LPP: variants seen among roughly 807,000 people sequenced by gnomAD.
LPP encodes lipoma-preferred partner.
In LPP, 38 loss-of-function variants were observed where a neutral mutation model predicts 60.4. The ratio of observed to expected loss-of-function variants is 0.63; its 90% CI spans 0.49 to 0.83. The LOEUF (loss-of-function observed/expected upper bound fraction) is 0.83, where lower values mean the gene tolerates loss of function less well. Among genes scored for constraint, LPP ranks in the 40% least tolerant of loss-of-function variants. The pLI is 0.00. For synonymous variants in LPP, 328 were observed against 290.8 expected (o/e 1.13, Z -1.30); for missense variants, 902 against 783.6 (o/e 1.15, Z -1.80).
chr3:188,216,724 C>G (rs570872302), intron 1 of LPP, among the ~76,000 whole-genome samples: 1 of 152,302 alleles, frequency 6.6e-6, no homozygotes, highest in African/African-American at 2.4e-5. Flanking sequence ...CTAACTCTCC[C>G]AACACTCCCA....
intron 9 of LPP, among the ~76,000 whole-genome samples, chr3:188,828,439 T>C (rs1351422615): frequency 1.4e-5 from 2 of 146,750 alleles, no homozygotes; most frequent in African/African-American, 5.1e-5. Context: ...ACCCAGTCTC[T>C]ACTAAAAATA....
intron 6 of LPP, among the ~76,000 whole-genome samples, chr3:188,540,632 AT>A (rs1435837817): frequency 2.0e-5 from 3 of 152,334 alleles, no homozygotes; most frequent in African/African-American, 7.2e-5. Flanking sequence ...GAAGACCATT[AT>A]AGTATCTATC....
chr3:188,369,975 C>CTGGA (rs1210106126), intron 3 of LPP, among the ~76,000 whole-genome samples: 3 of 152,198 alleles, frequency 2.0e-5, no homozygotes, highest in Non-Finnish European at 4.4e-5. Flanking sequence ...GTTGCCCAGG[C>CTGGA]TGGAGTGCAG....
rs113585439 is a variant in LPP at position 188,602,728 on chromosome 3, T to TAAAA, written c.430-6423_430-6420dup. On this transcript the variant is annotated intron_variant, in intron 6 of 11. Transcript: ENST00000617246. ...TTATTTGAAGAGAAAGATTATTTAT[T>TAAAA]AAAAAAAAAAAAAGGAGAAGAGTAA... is the stretch of plus-strand genomic sequence containing the variant. 1.8e-4 allele frequency among the ~76,000 whole-genome samples: 26 copies of TAAAA among 142,000 alleles called. No homozygotes were observed. In the East Asian group the frequency reaches 4.7e-3, roughly 26 times the overall value. 93.2% of individuals were successfully genotyped at this position (142,000 alleles called of 152,430 possible).
At chr3:188,832,630 A>G (rs983528721) in intron 9 of LPP, among the ~76,000 whole-genome samples, 4 of 152,320 alleles carry the variant, frequency 2.6e-5, no homozygotes, top group South Asian at 2.1e-4. Flanking sequence ...GACAGCTGCT[A>G]TTTAGAAAAG....
intron 5 of LPP, among the ~76,000 whole-genome samples, chr3:188,494,156 G>T (rs1442719691): frequency 2.6e-5 from 4 of 152,198 alleles, no homozygotes; most frequent in African/African-American, 9.7e-5. Context: ...CAGGCCAGCA[G>T]AAGAATTGCC....
chr3:188,189,075 A>G (rs969146740), intron 1 of LPP, among the ~76,000 whole-genome samples: 9 of 152,274 alleles, frequency 5.9e-5, no homozygotes, highest in Middle Eastern at 3.4e-3. Flanking sequence ...ATGTGGTCCA[A>G]CAGTGCTATT....
chr3:188,245,839 G>C (rs1483495958), intron 2 of LPP, among the ~76,000 whole-genome samples: 1 of 151,942 alleles, frequency 6.6e-6, no homozygotes, highest in Admixed American at 6.6e-5. Flanking sequence ...ACCACACCCA[G>C]CCCAGCCCTG....
At position 188,883,727 on chromosome 3, in the gene LPP, C is replaced by G. The variant is rs1294688128; in HGVS notation, c.*9248C>G. 2.2e-5 allele frequency: 1 copy of G among 45,884 alleles called. No individual in the cohort carries two copies. The highest frequency in any genetic ancestry group is 2.7e-4 in the Admixed American group (1 of 3,678). 2.8% of individuals were successfully genotyped at this position (45,884 alleles called of 1,614,324 possible). On this transcript the variant is annotated 3_prime_UTR_variant, in exon 12 of 12. Coordinates refer to ENST00000617246, the MANE Select transcript of LPP (RefSeq NM_001375462.1). ...CAGCCTGGGCGACAGAACGAGACTC[C>G]GTCTCAAAAAAAAAAAAAAAAAAAA...
chr3:188,231,990 C>T (rs777100008), intron 2 of LPP, among the ~76,000 whole-genome samples: 9 of 152,132 alleles, frequency 5.9e-5, no homozygotes, highest in Non-Finnish European at 7.3e-5. Context: ...TGATATACAA[C>T]GTTACTTTGA....
At chr3:188,726,288 G>A (rs538562398) in intron 8 of LPP, among the ~76,000 whole-genome samples, 1 of 152,298 alleles carries the variant, frequency 6.6e-6, no homozygotes, top group Admixed American at 6.5e-5. Flanking sequence ...AGGGGCGTAA[G>A]AGGGATGGGC....
intron 3 of LPP, among the ~76,000 whole-genome samples, chr3:188,361,102 T>C (rs79039037): frequency 0.068 from 10,392 of 152,284 alleles, 471 homozygotes; most frequent in African/African-American, 0.12. Context: ...TGACGGGATG[T>C]TGGGATTTCA....
At chr3:188,476,219 ATTTG>A (rs1560453123) in intron 4 of LPP, among the ~76,000 whole-genome samples, 4 of 151,912 alleles carry the variant, frequency 2.6e-5, no homozygotes, top group Admixed American at 2.0e-4. Flanking sequence ...TGTTAGTTCT[ATTTG>A]TTTGTTTTTC....
chr3:188,238,648 T>G, intron 2 of LPP, among the ~76,000 whole-genome samples: 1 of 152,024 alleles, frequency 6.6e-6, no homozygotes, highest in Admixed American at 6.5e-5. Flanking sequence ...ACACACCTAT[T>G]TATTGATCAA....
chr3:188,395,387 GT>G (rs1161259175), intron 3 of LPP, among the ~76,000 whole-genome samples: 2 of 151,418 alleles, frequency 1.3e-5, no homozygotes, highest in African/African-American at 2.4e-5. Context: ...CCCAGCTAAT[GT>G]TTTTTAGAAA....
At chr3:188,302,607 C>T (rs1750261677) in intron 2 of LPP, among the ~76,000 whole-genome samples, 1 of 152,212 alleles carries the variant, frequency 6.6e-6, no homozygotes, top group African/African-American at 2.4e-5. Context: ...ATCTGAGTCT[C>T]ATTAGGCAGC....
chr3:188,159,762 T>G (rs62289747), intron 1 of LPP, among the ~76,000 whole-genome samples: 36,833 of 152,150 alleles, frequency 0.24, 4,602 homozygotes, highest in East Asian at 0.31. Context: ...ATTGAGGGAC[T>G]GGGAGTGTAG....
chr3:188,607,116 GACACACACACACACACACACACACACAC>G (rs34057522), intron 6 of LPP, among the ~76,000 whole-genome samples: 1 of 129,562 alleles, frequency 7.7e-6, no homozygotes, highest in Non-Finnish European at 1.6e-5. Flanking sequence ...TCTTGGTGAA[GACACACACACACACACACACACACACAC>G]ACACACACAC....
At chr3:188,306,343 C>A (rs772318752) in intron 2 of LPP, among the ~76,000 whole-genome samples, 4 of 152,036 alleles carry the variant, frequency 2.6e-5, no homozygotes, top group African/African-American at 4.8e-5. Context: ...CCCACCATGC[C>A]CTCCCAAAGT....
Sources: allele counts gnomAD v4.1 joint callset (sites outside exome capture counted in the v4.1 genomes callset), GRCh38; gene constraint gnomAD v4.1.1; transcripts MANE v1.5; gene names NCBI Gene and HGNC (gene_info 2026-07-23, HGNC 2026-07-21).